The following CORO1C variants were observed in gnomAD, a reference collection of about 807,000 sequenced individuals.
CORO1C encodes the protein coronin-1C.
In CORO1C, 14 loss-of-function variants were observed where a neutral mutation model predicts 51.2. That is an observed-to-expected ratio of 0.27 (90% CI 0.18 to 0.43). The LOEUF is 0.43. CORO1C is among the 20% of genes least tolerant of loss of function. The probability of loss-of-function intolerance (pLI) is 1.00; values close to 1 mark genes in which losing one functional copy is unlikely to be tolerated. For missense variants in CORO1C, 417 were observed against 607.8 expected (o/e 0.69, Z 3.30); for synonymous variants, 181 against 210.5 (o/e 0.86, Z 1.21).
intron 1 of CORO1C, among the ~76,000 whole-genome samples, chr12:108,729,484 T>C (rs1467587368): frequency 2.0e-5 from 3 of 152,224 alleles, no homozygotes; most frequent in Admixed American, 6.5e-5. Flanking sequence ...GTCAAAAATG[T>C]GTGCTCCTGA....
At chr12:108,730,246 C>T (rs987041859) in intron 1 of CORO1C, 4 of 152,208 alleles carry the variant, frequency 2.6e-5, no homozygotes, top group Admixed American at 6.5e-5. Context: ...ACAAGGGCAG[C>T]CTACATTACG....
intron 1 of CORO1C, chr12:108,701,709 G>T: frequency 4.8e-6 from 1 of 209,166 alleles, no homozygotes; most frequent in South Asian, 7.4e-5. Context: ...AAATTCTCTG[G>T]TAGAGGTGAG....
At chr12:108,712,897 C>A (rs1235466687) in intron 1 of CORO1C, among the ~76,000 whole-genome samples, 21 of 123,542 alleles carry the variant, frequency 1.7e-4, no homozygotes, top group African/African-American at 5.9e-4. Flanking sequence ...TGCACTCTAG[C>A]AAGATCATGT....
At position 108,654,343 on chromosome 12, in the gene CORO1C, T is replaced by C. The variant is rs761109962; in HGVS notation, c.818A>G (p.Tyr273Cys). ...DTSNGVLLPF[Y>C]DPDTSIIYLC... is the part of the protein sequence containing the mutation. ...GTAAATGATGCTGGTGTCAGGGTCA[T>C]AGAAAGGCAGCAACACCCCATTGCT... is the stretch of plus-strand genomic sequence containing the variant. The change falls in exon 7 of 11, where the codon TAT becomes TGT. Residue 273 changes from tyrosine to cysteine, a missense_variant. Transcript: ENST00000261401. The C allele has an allele frequency of 8.1e-6, 13 of 1,613,400 alleles. No homozygotes were observed. The highest frequency in any genetic ancestry group is 2.7e-5 in the African/African-American group (2 of 74,920).
chr12:108,718,981 G>A (rs556257199), intron 1 of CORO1C, among the ~76,000 whole-genome samples: 32 of 152,050 alleles, frequency 2.1e-4, no homozygotes, highest in Non-Finnish European at 4.3e-4. Flanking sequence ...AAATAAACAC[G>A]GCCCACTTTC....
At chr12:108,682,513 C>T (rs544258658) in intron 2 of CORO1C, among the ~76,000 whole-genome samples, 11 of 152,286 alleles carry the variant, frequency 7.2e-5, no homozygotes, top group African/African-American at 2.4e-4. Flanking sequence ...AACTGTAATT[C>T]ATCTAACCAT....
chr12:108,702,945 T>C (rs2034921446), intron 1 of CORO1C: 4 of 1,531,910 alleles, frequency 2.6e-6, no homozygotes, highest in East Asian at 4.9e-5. Flanking sequence ...ACCAGGGCCA[T>C]ACATTTTGAG....
chr12:108,663,491 T>C (rs190061856), intron 3 of CORO1C, among the ~76,000 whole-genome samples: 1 of 152,352 alleles, frequency 6.6e-6, no homozygotes, highest in Admixed American at 6.5e-5. Flanking sequence ...TGGAATATTA[T>C]TTGGCCATAA....
chr12:108,649,110 G>A, intron 8 of CORO1C, 90 bp from the exon 9 acceptor site: 1 of 1,454,700 alleles, frequency 6.9e-7, no homozygotes, highest in Non-Finnish European at 9.6e-7. Flanking sequence ...AATGCTGTCT[G>A]AAATGTCAAG....
chr12:108,707,353 G>A (rs531602415), intron 1 of CORO1C, among the ~76,000 whole-genome samples: 27 of 152,328 alleles, frequency 1.8e-4, no homozygotes, highest in Non-Finnish European at 1.0e-4. Context: ...TATATCAATG[G>A]AATATAATTA....
At chr12:108,699,051 G>T (rs910737375) in intron 2 of CORO1C, among the ~76,000 whole-genome samples, 1 of 152,186 alleles carries the variant, frequency 6.6e-6, no homozygotes, top group African/African-American at 2.4e-5. Flanking sequence ...AAGCTAGACA[G>T]ACAGTATTAT....
In CORO1C at chr12:108,657,417, C is replaced by T. The variant is rs371061578; in HGVS notation, c.637G>A (p.Glu213Lys). Residue 213 changes from glutamate (E) to lysine (K), a missense_variant, in exon 6 of 11, where the codon GAG (glutamate) becomes AAG (lysine). Transcript: ENST00000261401. ...PRKQEIVAEK[E>K]KAHEGARPMR... ...GGTCTTGCTCCTTCATGTGCTTTCT[C>T]CTTCTCCTGGAGAGCAAAAAGGCAC... is the stretch of plus-strand genomic sequence containing the variant. The T allele has an allele frequency of 6.2e-6, 10 of 1,612,706 alleles. No homozygotes were observed. Among genetic ancestry groups the T allele is most frequent in the Non-Finnish European group, 5.9e-6 (7 of 1,179,306 alleles).
rs58536250 is a variant in CORO1C, at chr12:108,659,361, G to A, written c.449-442C>T. The stretch of plus-strand genomic sequence containing the variant: ...TGGGAGACCCCTATTAGGCAAATAC[G>A]CTCCTTCCTTTTAAAGAAAACTTTG... On this transcript the variant is annotated intron_variant, in intron 4 of 10. Transcript: ENST00000261401. Among the ~76,000 whole-genome samples the A allele has an allele frequency of 7.2e-3, 1,095 of 151,998 alleles. 10 individuals carry two copies. Among genetic ancestry groups the A allele is most frequent in the African/African-American group, 0.024 (999 of 41,500 alleles).
intron 3 of CORO1C, among the ~76,000 whole-genome samples, chr12:108,677,440 A>G (rs1293347620): frequency 1.3e-5 from 2 of 152,250 alleles, no homozygotes; most frequent in African/African-American, 2.4e-5. Flanking sequence ...TATCTTTATG[A>G]AAAGGACTTT....
chr12:108,659,762 G>C (rs538181579), intron 4 of CORO1C, among the ~76,000 whole-genome samples: 26 of 152,316 alleles, frequency 1.7e-4, no homozygotes, highest in African/African-American at 6.3e-4. Flanking sequence ...AACAGTGGAA[G>C]GGAAAAGCCA....
At chr12:108,668,149 G>C (rs2033565404) in intron 3 of CORO1C, among the ~76,000 whole-genome samples, 1 of 152,202 alleles carries the variant, frequency 6.6e-6, no homozygotes, top group Non-Finnish European at 1.5e-5. Flanking sequence ...ACAGGAGAAA[G>C]CTTAAAGATG....
rs531180344 is a variant in CORO1C at position 108,670,080 on chromosome 12, C to T, written c.319-7922G>A. On this transcript the variant is annotated intron_variant, in intron 3 of 10. Coordinates refer to ENST00000261401, the MANE Select transcript of CORO1C (RefSeq NM_014325.4). ...TGGCAGCATTTTTTGGGGGTTTTTCCGAAGTCCCTCCGTAAAAAGACAGAG... is the reference window on the plus strand; with the variant it reads ...TGGCAGCATTTTTTGGGGGTTTTTCTGAAGTCCCTCCGTAAAAAGACAGAG... 3.9e-5 allele frequency among the ~76,000 whole-genome samples: 6 copies of T among 152,084 alleles called. No homozygotes were observed. The East Asian group carries it at 9.6e-4, about 24-fold the overall frequency.
chr12:108,654,727 G>C (rs1165211363), intron 6 of CORO1C, among the ~76,000 whole-genome samples: 1 of 149,948 alleles, frequency 6.7e-6, no homozygotes, highest in African/African-American at 2.5e-5. Flanking sequence ...TTTAAAGACT[G>C]AGTCTCCCTC....
chr12:108,661,455 T>C (rs1276952061), intron 4 of CORO1C, among the ~76,000 whole-genome samples: 1 of 152,228 alleles, frequency 6.6e-6, no homozygotes, highest in Non-Finnish European at 1.5e-5. Context: ...TTTATGTATG[T>C]GCACAGAAAT....
Sources: gnomAD v4.1 joint callset for allele counts (sites outside exome capture counted in the v4.1 genomes callset) on GRCh38, gnomAD v4.1.1 for gene constraint, MANE v1.5 for transcripts, NCBI Gene and HGNC (gene_info 2026-07-23, HGNC 2026-07-21) for gene names.